ACACA: variants seen among roughly 807,000 people sequenced by gnomAD.
ACACA encodes acetyl-CoA carboxylase alpha, also known as acetyl-CoA carboxylase 1.
A neutral mutation model predicts 296.1 loss-of-function variants in ACACA; 103 were observed. That is an observed-to-expected ratio of 0.35 (90% CI 0.30 to 0.41). ACACA has a LOEUF of 0.41. ACACA is among the 10% of genes least tolerant of loss of function. ACACA has a pLI of 1.00. For synonymous variants in ACACA, 953 were observed against 1,038.6 expected, an observed-to-expected ratio of 0.92 and a Z score of 1.58; for missense variants, 1,554 against 2,989.7, an observed-to-expected ratio of 0.52 and a Z score of 11.20.
chr17:37,365,004 G>A (rs977886014), intron 1 of ACACA, among the ~76,000 whole-genome samples: 3 of 151,710 alleles, frequency 2.0e-5, no homozygotes, highest in Admixed American at 1.3e-4. Flanking sequence ...ACAGAGTCTC[G>A]CTCTGTCTCC....
chr17:37,359,475 CGGCCCCTTCTGCCACAGCCGGGTACGG>C (rs1426924745), intron 1 of ACACA, among the ~76,000 whole-genome samples: 1 of 152,008 alleles, frequency 6.6e-6, no homozygotes, highest in Non-Finnish European at 1.5e-5. Flanking sequence ...CCGGCCTTCG[CGGCCCCTTCTGCCACAGCCGGGTACGG>C]GGCCAACCCC....
At chr17:37,218,147 CAAAAAAA>C (rs60487601) in intron 29 of ACACA, among the ~76,000 whole-genome samples, 10 of 116,628 alleles carry the variant, frequency 8.6e-5, no homozygotes, top group East Asian at 4.8e-4. Context: ...CTACCAGTAA[CAAAAAAA>C]AAAAAAAAAA....
intron 1 of ACACA, among the ~76,000 whole-genome samples, chr17:37,341,489 A>T (rs1373291752): frequency 6.6e-6 from 1 of 151,998 alleles, no homozygotes; most frequent in Non-Finnish European, 1.5e-5. Context: ...TCAGGAGTCA[A>T]AACCAGCTGG....
intron 41 of ACACA, among the ~76,000 whole-genome samples, chr17:37,172,517 A>G (rs2076918777): frequency 6.6e-6 from 1 of 152,214 alleles, no homozygotes; most frequent in South Asian, 2.1e-4. Context: ...TTGGAAGATC[A>G]TTTTAGACAA....
At chr17:37,235,887 T>A (rs1439642324) in intron 24 of ACACA, among the ~76,000 whole-genome samples, 1 of 152,154 alleles carries the variant, frequency 6.6e-6, no homozygotes, top group Admixed American at 6.5e-5. Context: ...GAAAGCTATG[T>A]TTTACAACAG....
intron 1 of ACACA, among the ~76,000 whole-genome samples, chr17:37,349,458 CATAT>C (rs1252207670): frequency 2.0e-5 from 3 of 146,944 alleles, no homozygotes; most frequent in Non-Finnish European, 4.5e-5. Flanking sequence ...ATATATCTTA[CATAT>C]ATATTTTACA....
At chr17:37,120,361 G>C (rs1360839330) in intron 50 of ACACA, among the ~76,000 whole-genome samples, 1 of 151,856 alleles carries the variant, frequency 6.6e-6, no homozygotes, top group Non-Finnish European at 1.5e-5. Flanking sequence ...TGCCTCCCAG[G>C]TTCAAGTGAT....
chr17:37,256,216 T>C (rs1797402363), intron 14 of ACACA, among the ~76,000 whole-genome samples: 1 of 152,192 alleles, frequency 6.6e-6, no homozygotes, highest in South Asian at 2.1e-4. Flanking sequence ...CATCTGTATG[T>C]TGAGACTCAC....
At chr17:37,395,068 T>C (rs541767857) in intron 1 of ACACA, among the ~76,000 whole-genome samples, 2 of 152,222 alleles carry the variant, frequency 1.3e-5, no homozygotes, top group East Asian at 1.9e-4. Context: ...TTTATGGACA[T>C]TATAAATATA....
chr17:37,127,614 C>A (rs1264128913), intron 47 of ACACA, among the ~76,000 whole-genome samples: 2 of 152,120 alleles, frequency 1.3e-5, no homozygotes, highest in African/African-American at 2.4e-5. Context: ...ATAATCCCAG[C>A]ACTTTGAGAT....
intron 45 of ACACA, among the ~76,000 whole-genome samples, chr17:37,131,317 G>T (rs1204911123): frequency 6.6e-6 from 1 of 152,124 alleles, no homozygotes; most frequent in East Asian, 1.9e-4. Flanking sequence ...TTGAAGACTG[G>T]TTAATAATTT....
rs570269770 is a variant in ACACA at position 37,351,189 on chromosome 17, C to T, written c.39-11339G>A. Among the ~76,000 whole-genome samples the T allele has an allele frequency of 8.0e-4, 122 of 151,880 alleles. 2 individuals carry two copies. In the South Asian group the frequency reaches 0.017, roughly 21 times the overall value. On this transcript the variant is annotated intron_variant, in intron 1 of 55. Coordinates refer to ENST00000616317, the MANE Select transcript of ACACA (RefSeq NM_198834.3). ...ATAAAATGTTGAAACAGGCTGGGTG[C>T]GGTGGCTCACGCCTGTAATCCCAGC...
intron 50 of ACACA, among the ~76,000 whole-genome samples, chr17:37,117,292 A>G (rs1331831935): frequency 2.6e-5 from 4 of 152,250 alleles, no homozygotes; most frequent in African/African-American, 4.8e-5. Flanking sequence ...GTTCATTATG[A>G]TCGGCTGACA....
intron 47 of ACACA, among the ~76,000 whole-genome samples, chr17:37,128,746 G>A (rs375984063): frequency 3.9e-5 from 6 of 152,200 alleles, no homozygotes; most frequent in African/African-American, 1.4e-4. Context: ...TCTGGAGGGA[G>A]AGCTTATTCT....
chr17:37,109,995 C>T (rs1204438545), intron 52 of ACACA, among the ~76,000 whole-genome samples: 3 of 149,834 alleles, frequency 2.0e-5, no homozygotes, highest in African/African-American at 4.9e-5. Context: ...ATGGAGTGCG[C>T]GAAATATCAA....
chr17:37,158,328 G>T (rs1199077640), intron 42 of ACACA, among the ~76,000 whole-genome samples: 8 of 152,082 alleles, frequency 5.3e-5, no homozygotes, highest in Admixed American at 5.2e-4. Flanking sequence ...GAAACTTAAA[G>T]CTTTAAAAGA....
At chr17:37,258,781 GTC>G (rs2081323833) in intron 12 of ACACA, among the ~76,000 whole-genome samples, 2 of 152,138 alleles carry the variant, frequency 1.3e-5, no homozygotes, top group African/African-American at 4.8e-5. Flanking sequence ...TAAATCTTTA[GTC>G]TTTAATAGGA....
At position 37,207,638 on chromosome 17, in the gene ACACA, T is replaced by C. The variant is rs939511537; in HGVS notation, c.3851+19A>G. Reference sequence around the variant, plus strand: ...GTCCATGGCTCCCCTTGTACAGACATAGTTCCACAATGTCTTACCTGACAA... The same window carrying C: ...GTCCATGGCTCCCCTTGTACAGACACAGTTCCACAATGTCTTACCTGACAA... On this transcript the variant is annotated intron_variant, in intron 31 of 55. Transcript: ENST00000616317. The C allele has an allele frequency of 2.5e-6, 4 of 1,613,618 alleles. No homozygotes were observed. Among genetic ancestry groups the C allele is most frequent in the Non-Finnish European group, 3.4e-6 (4 of 1,179,716 alleles).
At chr17:37,352,380 G>A (rs1227829120) in intron 1 of ACACA, among the ~76,000 whole-genome samples, 2 of 151,990 alleles carry the variant, frequency 1.3e-5, no homozygotes, top group Admixed American at 6.6e-5. Flanking sequence ...ATTAATTTAC[G>A]CTCGTAATCT....
Sources: allele counts gnomAD v4.1 joint callset (sites outside exome capture counted in the v4.1 genomes callset), GRCh38; gene constraint gnomAD v4.1.1; transcripts MANE v1.5; gene names NCBI Gene and HGNC (gene_info 2026-07-23, HGNC 2026-07-21).